Variants in NRP1 observed in about 807,000 individuals in gnomAD.
NRP1 encodes neuropilin-1.
In NRP1, 35 loss-of-function variants were observed where a neutral mutation model predicts 106.7. The observed-to-expected ratio is 0.33, with a 90% CI of 0.25 to 0.43. The LOEUF (loss-of-function observed/expected upper bound fraction) is 0.43. Among genes scored for constraint, NRP1 ranks in the 20% least tolerant of loss-of-function variants. NRP1 has a pLI of 1.00. For missense variants in NRP1, 1,024 were observed against 1,170.4 expected (o/e 0.87, Z 1.83); for synonymous variants, 437 against 417.9 (o/e 1.05, Z -0.56).
chr10:33,232,000 C>T (rs1480712551), intron 6 of NRP1, among the ~76,000 whole-genome samples: 4 of 152,144 alleles, frequency 2.6e-5, no homozygotes, highest in East Asian at 1.9e-4. Context: ...AGAATATGAG[C>T]TCTGGTTGTT....
chr10:33,307,967 C>T (rs1846288518), intron 2 of NRP1, among the ~76,000 whole-genome samples: 2 of 152,102 alleles, frequency 1.3e-5, no homozygotes, highest in African/African-American at 4.8e-5. Flanking sequence ...AATCAATCTA[C>T]AAGCCCATCA....
chr10:33,294,543 G>A (rs566286369), intron 2 of NRP1, among the ~76,000 whole-genome samples: 23 of 151,644 alleles, frequency 1.5e-4, no homozygotes, highest in Middle Eastern at 3.4e-3. Context: ...ACTCGAACCC[G>A]GGAGGCAGAG....
intron 14 of NRP1, 24 bp downstream of exon 14, chr10:33,186,193 C>A: frequency 6.4e-7 from 1 of 1,559,004 alleles, no homozygotes; most frequent in Non-Finnish European, 8.7e-7. Flanking sequence ...CACTGCCCTC[C>A]CCAGCCTTGG....
intron 6 of NRP1, among the ~76,000 whole-genome samples, chr10:33,229,122 G>A (rs147310825): frequency 1.3e-5 from 2 of 152,228 alleles, no homozygotes; most frequent in African/African-American, 4.8e-5. Context: ...TAGTATAAGT[G>A]TGTTCCATAC....
At chr10:33,230,791 G>A (rs1187890315) in intron 6 of NRP1, among the ~76,000 whole-genome samples, 1 of 152,062 alleles carries the variant, frequency 6.6e-6, no homozygotes, top group Non-Finnish European at 1.5e-5. Context: ...TTTCTTTTCT[G>A]TAAGGCTTCT....
chr10:33,305,261 TC>T (rs1643867265), intron 2 of NRP1, among the ~76,000 whole-genome samples: 3 of 152,148 alleles, frequency 2.0e-5, no homozygotes, highest in Admixed American at 2.0e-4. Flanking sequence ...TCAAAATAGC[TC>T]AAGATATAAT....
intron 11 of NRP1, chr10:33,201,815 T>C (rs1043291736): frequency 6.6e-6 from 1 of 152,210 alleles, no homozygotes; most frequent in Non-Finnish European, 1.5e-5. Flanking sequence ...TTCAATTTTT[T>C]TTTCTTTCTT....
chr10:33,189,618 G>A (rs1836271965), intron 13 of NRP1, among the ~76,000 whole-genome samples: 1 of 152,198 alleles, frequency 6.6e-6, no homozygotes, highest in Admixed American at 6.5e-5. Flanking sequence ...AGGGAGAGAT[G>A]CCAGACTTCA....
chr10:33,196,809 C>T (rs899587906), intron 12 of NRP1, among the ~76,000 whole-genome samples: 3 of 152,166 alleles, frequency 2.0e-5, no homozygotes, highest in Admixed American at 2.0e-4. Context: ...ATAGAGGAAA[C>T]ATTGATATAC....
chr10:33,256,271 A>AT, intron 5 of NRP1, 45 bp downstream of exon 5: 2 of 1,593,734 alleles, frequency 1.3e-6, no homozygotes, highest in East Asian at 2.2e-5. Flanking sequence ...CAGGAATAAC[A>AT]TTGAGTATTT....
chr10:33,184,371 C>G (rs1835878276), intron 15 of NRP1, among the ~76,000 whole-genome samples: 1 of 152,208 alleles, frequency 6.6e-6, no homozygotes, highest in African/African-American at 2.4e-5. Flanking sequence ...GGTATGTAGT[C>G]AGTTAGAACT....
intron 6 of NRP1, among the ~76,000 whole-genome samples, chr10:33,252,724 A>T (rs1185353149): frequency 6.6e-6 from 1 of 151,974 alleles, no homozygotes. Context: ...GTTACCAAGA[A>T]CTATTTTGAC....
At chr10:33,181,183 T>C (rs2132566924) in intron 16 of NRP1, among the ~76,000 whole-genome samples, 1 of 152,254 alleles carries the variant, frequency 6.6e-6, no homozygotes, top group Non-Finnish European at 1.5e-5. Context: ...GGGATGAAAA[T>C]GTTAACGCAC....
intron 15 of NRP1, among the ~76,000 whole-genome samples, chr10:33,183,840 G>A (rs1450421991): frequency 6.6e-6 from 1 of 152,066 alleles, no homozygotes; most frequent in African/African-American, 2.4e-5. Flanking sequence ...ATTTTTATTG[G>A]TAGCAGCATA....
chr10:33,234,055 T>G (rs1036202505), intron 6 of NRP1, among the ~76,000 whole-genome samples: 9 of 152,302 alleles, frequency 5.9e-5, no homozygotes, highest in African/African-American at 2.2e-4. Context: ...GCTCCCTATC[T>G]CTTTCTGTGT....
intron 2 of NRP1, among the ~76,000 whole-genome samples, chr10:33,320,157 C>CA (rs1362472373): frequency 1.3e-5 from 2 of 151,680 alleles, no homozygotes; most frequent in African/African-American, 4.8e-5. Context: ...TACTAAAATA[C>CA]AAAAAATTAG....
At chr10:33,292,129 C>T (rs888613649) in intron 2 of NRP1, among the ~76,000 whole-genome samples, 3 of 152,162 alleles carry the variant, frequency 2.0e-5, no homozygotes, top group African/African-American at 7.2e-5. Context: ...CTCTCTGGCT[C>T]AAGTGATCCA....
At chr10:33,207,361 A>G (rs10827212) in intron 10 of NRP1, among the ~76,000 whole-genome samples, 19,643 of 151,902 alleles carry the variant, frequency 0.13, 1,642 homozygotes, top group East Asian at 0.5. Context: ...GAGGAGAGTC[A>G]TGCAAACAAC....
At chr10:33,251,713 T>G (rs1841871576) in intron 6 of NRP1, among the ~76,000 whole-genome samples, 1 of 152,202 alleles carries the variant, frequency 6.6e-6, no homozygotes, top group African/African-American at 2.4e-5. Context: ...GTAGTCTTAG[T>G]GTTTTTACTG....
Sources: allele counts gnomAD v4.1 joint callset (sites outside exome capture counted in the v4.1 genomes callset), GRCh38; gene constraint gnomAD v4.1.1; transcripts MANE v1.5; gene names NCBI Gene and HGNC (gene_info 2026-07-23, HGNC 2026-07-21).